ARHGEF16: variants seen among roughly 807,000 people sequenced by gnomAD.
The protein encoded by ARHGEF16 is Rho guanine exchange factor (GEF) 16.
A neutral mutation model predicts 74.1 loss-of-function variants in ARHGEF16; 59 were observed. The ratio of observed to expected loss-of-function variants is 0.80; its 90% CI spans 0.65 to 0.99. ARHGEF16 has a LOEUF of 0.99. Among genes scored for constraint, ARHGEF16 ranks in the 50% least tolerant of loss-of-function variants. The pLI, the probability that ARHGEF16 is intolerant of heterozygous loss-of-function variation, is 0.00. For missense variants in ARHGEF16, 948 were observed against 986.6 expected, an observed-to-expected ratio of 0.96 and a Z score of 0.52; for synonymous variants, 415 against 412.6, an observed-to-expected ratio of 1.01 and a Z score of -0.07.
intron 1 of ARHGEF16, among the ~76,000 whole-genome samples, chr1:3,455,451 C>T (rs1639246493): frequency 6.6e-6 from 1 of 152,120 alleles, no homozygotes; most frequent in South Asian, 2.1e-4. Flanking sequence ...GTGCGTCCCA[C>T]CTACCAGGGA....
At chr1:3,470,806 G>A (rs1639692496) in intron 6 of ARHGEF16, among the ~76,000 whole-genome samples, 1 of 148,800 alleles carries the variant, frequency 6.7e-6, no homozygotes, top group Non-Finnish European at 1.5e-5. Flanking sequence ...ATGCATGGGT[G>A]TATGTGCATG....
intron 8 of ARHGEF16, chr1:3,474,286 C>T (rs1639822841): frequency 4.2e-6 from 1 of 237,698 alleles, no homozygotes; most frequent in Admixed American, 4.9e-5. Flanking sequence ...GCATGCTGCC[C>T]ATACACACAG....
chr1:3,480,406 C>T (rs370911697), intron 14 of ARHGEF16, 42 bp from the exon 15 acceptor site: 23 of 1,607,572 alleles, frequency 1.4e-5, no homozygotes, highest in Admixed American at 3.3e-5. Flanking sequence ...GGGGGACCCA[C>T]GGCCTTCCCC....
intron 3 of ARHGEF16, chr1:3,466,930 G>A (rs960798724): frequency 1.9e-5 from 9 of 470,702 alleles, no homozygotes; most frequent in African/African-American, 1.8e-4. Flanking sequence ...GCTGGTTGGG[G>A]GCTGCTGTGA....
intron 1 of ARHGEF16, among the ~76,000 whole-genome samples, chr1:3,458,992 A>G (rs1471373142): frequency 6.6e-6 from 1 of 152,202 alleles, no homozygotes; most frequent in Admixed American, 6.5e-5. Context: ...ATTAGGAGAA[A>G]ACACCAGAGC....
rs547524141 is a variant in ARHGEF16 at position 3,468,594 on chromosome 1, C to A, written c.805-286C>A. On this transcript the variant is annotated intron_variant, in intron 4 of 14. Transcript: ENST00000378378. ...AGATCTGTGGGACAAGATCCCCCCC[C>A]GCCCTCTGGCCTCTCCCTCTGGATG... 8.2e-4 allele frequency: 385 copies of A among 468,834 alleles called. 2 individuals are homozygous for A. The highest frequency in any genetic ancestry group is 4.4e-3 in the Middle Eastern group (7 of 1,608). 29.0% of individuals were successfully genotyped at this position (468,834 alleles called of 1,614,324 possible).
intron 1 of ARHGEF16, among the ~76,000 whole-genome samples, chr1:3,457,203 A>G (rs1639284062): frequency 6.6e-6 from 1 of 152,266 alleles, no homozygotes; most frequent in Non-Finnish European, 1.5e-5. Flanking sequence ...TATGTGACTG[A>G]GTCCGAAGTT....
intron 1 of ARHGEF16, among the ~76,000 whole-genome samples, chr1:3,457,351 G>A (rs961425805): frequency 1.3e-5 from 2 of 152,368 alleles, no homozygotes; most frequent in African/African-American, 4.8e-5. Flanking sequence ...GCCAGGGTAG[G>A]AGGGACAGAA....
chr1:3,465,281 G>A (rs1639508080), intron 2 of ARHGEF16, among the ~76,000 whole-genome samples: 1 of 152,272 alleles, frequency 6.6e-6, no homozygotes, highest in African/African-American at 2.4e-5. Context: ...CGAGGGCTGG[G>A]CTGAGGGCAG....
In ARHGEF16 at chr1:3,463,528, C is replaced by G. The variant is rs973644560; in HGVS notation, c.444C>G (p.Asn148Lys). The G allele has an allele frequency of 1.3e-5, 19 of 1,473,006 alleles. No homozygotes were observed. The African/African-American group carries it at 2.4e-4, about 19-fold the overall frequency. 91.2% of individuals were successfully genotyped at this position (1,473,006 alleles called of 1,614,324 possible). A position where few individuals can be genotyped will look rare whatever the true frequency, so the allele number is the denominator to read the frequency against. ...DKDPGGMLRR[N>K]LRNQSYRAAM... ...ACCCCGGGGGCATGCTGAGGCGGAA[C>G]CTGCGGAACCAATCCTACCGGGCGG... The change falls in exon 2 of 15, where the codon AAC becomes AAG. Residue 148 changes from asparagine to lysine, a missense_variant. Coordinates refer to ENST00000378378, the MANE Select transcript of ARHGEF16 (RefSeq NM_014448.4).
chr1:3,462,554 AG>A (rs1453738658), intron 1 of ARHGEF16, among the ~76,000 whole-genome samples: 1 of 152,164 alleles, frequency 6.6e-6, no homozygotes, highest in African/African-American at 2.4e-5. Context: ...GGCCTCAGGA[AG>A]CCCCCCAGTG....
At chr1:3,458,453 C>T (rs569994157) in intron 1 of ARHGEF16, among the ~76,000 whole-genome samples, 2 of 152,330 alleles carry the variant, frequency 1.3e-5, no homozygotes, top group South Asian at 2.1e-4. Context: ...CTGGCTCCAC[C>T]AGGAGCCGAC....
At chr1:3,456,133 G>C (rs1639259428) in intron 1 of ARHGEF16, among the ~76,000 whole-genome samples, 1 of 152,200 alleles carries the variant, frequency 6.6e-6, no homozygotes, top group African/African-American at 2.4e-5. Flanking sequence ...AGAAACCCTT[G>C]TTGGGGGGCC....
rs751723822 is a variant in ARHGEF16 at position 3,463,200 on chromosome 1, G to A, written c.116G>A (p.Arg39His). Residue 39 changes from arginine to histidine, a missense_variant, in exon 2 of 15, where the codon CGT (arginine) becomes CAT (histidine). Coordinates refer to ENST00000378378, the MANE Select transcript of ARHGEF16 (RefSeq NM_014448.4). ...CCAGCCTCCGGGCTCCCAATGGTCC[G>A]TGGCTCCCCGCGTGTTAGAGACGAT... ...GNPASGLPMV[R>H]GSPRVRDDAA... is the part of the protein sequence containing the mutation. The A allele has an allele frequency of 4.2e-5, 65 of 1,543,216 alleles. No individual in the cohort carries two copies. Among genetic ancestry groups the A allele is most frequent in the South Asian group, 1.3e-4 (11 of 83,726 alleles).
chr1:3,455,746 C>T (rs1639252858), intron 1 of ARHGEF16, among the ~76,000 whole-genome samples: 1 of 152,178 alleles, frequency 6.6e-6, no homozygotes, highest in East Asian at 1.9e-4. Context: ...GTCCTGACCC[C>T]TCCGTGGCAT....
intron 1 of ARHGEF16, among the ~76,000 whole-genome samples, chr1:3,461,436 G>T (rs965452769): frequency 1.3e-5 from 2 of 152,230 alleles, no homozygotes; most frequent in Non-Finnish European, 2.9e-5. Flanking sequence ...ACTGAGGCAC[G>T]GAGAGGCAGC....
At chr1:3,479,741 T>C in intron 13 of ARHGEF16, 71 bp from the exon 14 acceptor site, 2 of 1,573,124 alleles carry the variant, frequency 1.3e-6, no homozygotes, top group Non-Finnish European at 1.7e-6. Flanking sequence ...ATGTGTCTGC[T>C]GGAGGCCGTT....
chr1:3,473,272 A>G, intron 7 of ARHGEF16, 42 bp downstream of exon 7: 1 of 1,603,000 alleles, frequency 6.2e-7, no homozygotes, highest in South Asian at 1.1e-5. Flanking sequence ...GCTCAGGAGC[A>G]TCCTGCACCC....
Position 3,463,194 on chromosome 1 carries a change from T to C in ARHGEF16, c.110T>C (p.Met37Thr). The C allele has an allele frequency of 6.5e-7, 1 of 1,536,050 alleles. No homozygotes were observed. ...GGGAACCCAGCCTCCGGGCTCCCAA[T>C]GGTCCGTGGCTCCCCGCGTGTTAGA... ...AGGNPASGLP[M>T]VRGSPRVRDD... Residue 37 changes from methionine (M) to threonine (T), a missense_variant, in exon 2 of 15, where the codon ATG (methionine) becomes ACG (threonine). Coordinates refer to ENST00000378378, the MANE Select transcript of ARHGEF16 (RefSeq NM_014448.4).
Sources: allele counts gnomAD v4.1 joint callset (sites outside exome capture counted in the v4.1 genomes callset), GRCh38; gene constraint gnomAD v4.1.1; transcripts MANE v1.5; gene names NCBI Gene and HGNC (gene_info 2026-07-23, HGNC 2026-07-21).